Variants in LRP1B observed in about 807,000 individuals in gnomAD.
The protein encoded by LRP1B is LDL receptor related protein 1B, also known as low-density lipoprotein receptor-related protein 1B.
In LRP1B, 217 loss-of-function variants were observed where a neutral mutation model predicts 556.6. That is an observed-to-expected ratio of 0.39 (90% CI 0.35 to 0.44). LRP1B has a LOEUF of 0.44. Among genes scored for constraint, LRP1B ranks in the 20% least tolerant of loss-of-function variants. LRP1B has a pLI of 1.00. For synonymous variants in LRP1B, 2,047 were observed against 1,865.8 expected (o/e 1.10, Z -2.50); for missense variants, 5,053 against 5,620.8 (o/e 0.90, Z 3.23).
In LRP1B at chr2:140,464,298, T is replaced by C. The variant is rs62172980; in HGVS notation, c.9626-6647A>G. Among the ~76,000 whole-genome samples the C allele has an allele frequency of 2.8e-3, 428 of 152,266 alleles. 3 individuals are homozygous for C. Among genetic ancestry groups the C allele is most frequent in the Non-Finnish European group, 4.5e-3 (304 of 68,006 alleles). On this transcript the variant is annotated intron_variant, in intron 60 of 90. Coordinates refer to ENST00000389484, the MANE Select transcript of LRP1B (RefSeq NM_018557.3). ...CCATTATTAGAGCTGAAGGCATCCA[T>C]GGCCCATTATTTTCTAGTATTTCTT... is the stretch of plus-strand genomic sequence containing the variant.
At chr2:142,050,688 C>T (rs755290941) in intron 1 of LRP1B, among the ~76,000 whole-genome samples, 1 of 152,096 alleles carries the variant, frequency 6.6e-6, no homozygotes, top group East Asian at 1.9e-4. Context: ...ATCTATTGAA[C>T]GAGTAGCTTA....
chr2:141,133,616 T>C (rs533508371), intron 7 of LRP1B, among the ~76,000 whole-genome samples: 1 of 151,886 alleles, frequency 6.6e-6, no homozygotes, highest in African/African-American at 2.4e-5. Context: ...CTGTTATTAT[T>C]TTTTTAAAGG....
intron 79 of LRP1B, among the ~76,000 whole-genome samples, chr2:140,331,932 G>A (rs1164699581): frequency 6.6e-6 from 1 of 151,756 alleles, no homozygotes; most frequent in Non-Finnish European, 1.5e-5. Context: ...CCTGACCTCA[G>A]GTGATCTGCC....
intron 2 of LRP1B, among the ~76,000 whole-genome samples, chr2:141,668,410 C>T (rs538604368): frequency 1.3e-5 from 2 of 152,106 alleles, no homozygotes; most frequent in Admixed American, 6.5e-5. Flanking sequence ...CCACCACACC[C>T]CCCTATCCTA....
At chr2:141,104,358 A>G (rs1700550879) in intron 7 of LRP1B, among the ~76,000 whole-genome samples, 1 of 152,100 alleles carries the variant, frequency 6.6e-6, no homozygotes, top group African/African-American at 2.4e-5. Context: ...ACAAAATTGT[A>G]TGTAAATTTC....
At chr2:140,982,101 T>C (rs907173344) in intron 18 of LRP1B, 59 bp downstream of exon 18, 172 of 1,311,322 alleles carry the variant, frequency 1.3e-4, no homozygotes, top group Non-Finnish European at 1.7e-4. Flanking sequence ...GAGGGTGTAG[T>C]GGTAGGGTAT....
At chr2:141,334,902 T>C (rs1284264457) in intron 3 of LRP1B, among the ~76,000 whole-genome samples, 2 of 152,146 alleles carry the variant, frequency 1.3e-5, no homozygotes, top group African/African-American at 4.8e-5. Context: ...GCTTACTGAG[T>C]AAGGCTACTT....
At chr2:140,945,766 A>G (rs922989400) in intron 20 of LRP1B, among the ~76,000 whole-genome samples, 7 of 152,132 alleles carry the variant, frequency 4.6e-5, no homozygotes, top group African/African-American at 1.7e-4. Flanking sequence ...TCCTAGAAGA[A>G]AACCTAGGAA....
intron 1 of LRP1B, among the ~76,000 whole-genome samples, chr2:141,837,103 G>A (rs905742978): frequency 2.6e-5 from 4 of 151,926 alleles, no homozygotes; most frequent in Non-Finnish European, 5.9e-5. Context: ...AGTCCAGCAG[G>A]TATGCAGGGC....
At chr2:140,590,377 T>A (rs1043525877) in intron 43 of LRP1B, among the ~76,000 whole-genome samples, 1 of 150,546 alleles carries the variant, frequency 6.6e-6, no homozygotes, top group Admixed American at 6.6e-5. Context: ...TTTTTTCCTA[T>A]AGAAAATGAT....
At chr2:140,712,446 A>G (rs953581675) in intron 37 of LRP1B, among the ~76,000 whole-genome samples, 21 of 151,756 alleles carry the variant, frequency 1.4e-4, no homozygotes, top group African/African-American at 5.1e-4. Context: ...TCTGTCTGTG[A>G]TTCCTCCTGC....
intron 85 of LRP1B, 88 bp downstream of exon 85, chr2:140,274,336 A>G: frequency 8.5e-7 from 1 of 1,179,402 alleles, no homozygotes; most frequent in Non-Finnish European, 1.2e-6. Flanking sequence ...AATAAAAACA[A>G]TCTACAAAGT....
intron 32 of LRP1B, among the ~76,000 whole-genome samples, chr2:140,799,178 T>A (rs1016723872): frequency 9.9e-5 from 15 of 152,200 alleles, no homozygotes; most frequent in African/African-American, 3.1e-4. Flanking sequence ...ACAGTCTTAC[T>A]TCTGCTATGA....
chr2:140,602,541 A>G (rs1402648870), intron 41 of LRP1B, among the ~76,000 whole-genome samples: 4 of 151,996 alleles, frequency 2.6e-5, no homozygotes, highest in African/African-American at 7.2e-5. Flanking sequence ...AGAAATTAAC[A>G]TTATTACAGA....
intron 18 of LRP1B, among the ~76,000 whole-genome samples, chr2:140,963,033 CA>C (rs1184762370): frequency 6.6e-6 from 1 of 152,044 alleles, no homozygotes; most frequent in African/African-American, 2.4e-5. Flanking sequence ...AATATTTTGA[CA>C]TCAATGACAA....
chr2:141,387,436 AG>A (rs1426841201), intron 3 of LRP1B, among the ~76,000 whole-genome samples: 2 of 152,106 alleles, frequency 1.3e-5, no homozygotes, highest in East Asian at 3.8e-4. Flanking sequence ...CTGTACAACA[AG>A]GGGAAAAAAA....
chr2:141,054,378 C>T (rs1477702921), intron 10 of LRP1B, among the ~76,000 whole-genome samples: 1 of 151,952 alleles, frequency 6.6e-6, no homozygotes, highest in African/African-American at 2.4e-5. Context: ...CCACTAGGAT[C>T]ATTTCAATCA....
chr2:140,579,745 G>T (rs1681683881), intron 43 of LRP1B, among the ~76,000 whole-genome samples: 1 of 152,176 alleles, frequency 6.6e-6, no homozygotes, highest in Non-Finnish European at 1.5e-5. Flanking sequence ...GGGAGGCTGA[G>T]GCAGGAGAAT....
rs565955390 is a variant in LRP1B at position 140,315,057 on chromosome 2, A to G, written c.12683T>C (p.Ile4228Thr). Reference sequence around the variant, plus strand: ...CCTCAAATCACCTTTCTCATTTAAAATGCATCTTCCTCCATTTTCACAAGT... The same window carrying G: ...CCTCAAATCACCTTTCTCATTTAAAGTGCATCTTCCTCCATTTTCACAAGT... ...KLTCENGGRCILNEKGDLRCH... is the reference protein window; with the variant it reads ...KLTCENGGRCTLNEKGDLRCH... The change falls in exon 83 of 91, where the codon ATT (isoleucine) becomes ACT (threonine). Residue 4228 changes from isoleucine to threonine, a missense_variant. Ile to Thr is a moderately conservative substitution (Grantham distance 89). Coordinates refer to ENST00000389484, the MANE Select transcript of LRP1B (RefSeq NM_018557.3). The G allele has an allele frequency of 6.2e-7, 1 of 1,611,378 alleles. No individual in the cohort carries two copies. Among genetic ancestry groups the G allele is most frequent in the African/African-American group, 1.3e-5 (1 of 74,940 alleles).
Sources: allele counts gnomAD v4.1 joint callset (sites outside exome capture counted in the v4.1 genomes callset), GRCh38; gene constraint gnomAD v4.1.1; transcripts MANE v1.5; gene names NCBI Gene and HGNC (gene_info 2026-07-23, HGNC 2026-07-21).